Variants in TRABD2B observed in about 807,000 individuals in gnomAD.
The protein encoded by TRABD2B is TraB domain containing 2B, also known as metalloprotease TIKI2.
In TRABD2B, 14 loss-of-function variants were observed where a neutral mutation model predicts 40.1. That is an observed-to-expected ratio of 0.35 (90% confidence interval 0.23 to 0.55). The LOEUF is 0.55. Ranked by LOEUF, TRABD2B falls within the 20% of genes least tolerant of loss-of-function variation. The pLI, the probability that TRABD2B is intolerant of heterozygous loss-of-function variation, is 0.90. For missense variants in TRABD2B, 541 were observed against 648.6 expected (o/e 0.83, Z 1.80); for synonymous variants, 263 against 277.0 (o/e 0.95, Z 0.50).
intron 2 of TRABD2B, among the ~76,000 whole-genome samples, chr1:47,826,442 A>G (rs1267245990): frequency 6.6e-6 from 1 of 152,088 alleles, no homozygotes; most frequent in African/African-American, 2.4e-5. Context: ...TAAAATATAT[A>G]TTTATTTCAA....
intron 2 of TRABD2B, among the ~76,000 whole-genome samples, chr1:47,977,070 T>C (rs1361243618): frequency 7.3e-6 from 1 of 137,736 alleles, no homozygotes; most frequent in Non-Finnish European, 1.5e-5. Context: ...GTTTAGTCCT[T>C]TTTTTTTTTT....
At chr1:47,878,553 T>C (rs1424593078) in intron 2 of TRABD2B, among the ~76,000 whole-genome samples, 1 of 152,168 alleles carries the variant, frequency 6.6e-6, no homozygotes, top group Non-Finnish European at 1.5e-5. Context: ...ATTCTCTCCT[T>C]AATGATGTCA....
rs74069671 is a variant in TRABD2B at position 47,771,183 on chromosome 1, G to A, written c.1349+3987C>T. Among the ~76,000 whole-genome samples the A allele has an allele frequency of 1.5e-3, 231 of 152,310 alleles. 1 individual carries two copies. The highest frequency in any genetic ancestry group is 5.4e-3 in the African/African-American group (226 of 41,570). On this transcript the variant is annotated intron_variant, in intron 6 of 6. Coordinates refer to ENST00000606738, the MANE Select transcript of TRABD2B (RefSeq NM_001194986.2). ...GAAGGAGGACTGGCTGTGCTATGGG[G>A]AACTGGAGCTGGAGAATCTGGGGGC... is the stretch of plus-strand genomic sequence containing the variant.
Position 47,997,003 on chromosome 1 carries a change from G to A in TRABD2B, c.-214C>T, listed in dbSNP as rs1338688296. The stretch of plus-strand genomic sequence containing the variant: ...TGTTGGAAGAGGGAGACCCTCTAGG[G>A]CTGGGCCCCTCCCCCGGGCGCTCAA... On this transcript the variant is annotated 5_prime_UTR_variant, in exon 1 of 7. Transcript: ENST00000606738. 1.8e-6 allele frequency: 2 copies of A among 1,084,156 alleles called. No homozygotes were observed. The highest frequency in any genetic ancestry group is 1.1e-6 in the Non-Finnish European group (1 of 894,886). The allele number at this position is 1,084,156 out of a possible 1,614,324, so 67.2% of individuals were successfully genotyped here.
At chr1:47,786,353 G>T (rs574688338) in intron 4 of TRABD2B, among the ~76,000 whole-genome samples, 1 of 152,310 alleles carries the variant, frequency 6.6e-6, no homozygotes, top group East Asian at 1.9e-4. Context: ...TTCACTGATG[G>T]AGCAGCCCTG....
At chr1:47,956,410 C>T (rs908613314) in intron 2 of TRABD2B, among the ~76,000 whole-genome samples, 1 of 152,218 alleles carries the variant, frequency 6.6e-6, no homozygotes, top group Non-Finnish European at 1.5e-5. Flanking sequence ...GGCGGGGCAT[C>T]GCCTCACCTG....
intron 4 of TRABD2B, among the ~76,000 whole-genome samples, chr1:47,781,401 GGACTGAGTAGAGGA>G (rs902793375): frequency 3.3e-5 from 5 of 152,170 alleles, no homozygotes; most frequent in Admixed American, 3.3e-4. Flanking sequence ...AGCGTTTCTG[GGACTGAGTAGAGGA>G]GACACTTAGA....
At chr1:47,899,160 T>C (rs1170923879) in intron 2 of TRABD2B, among the ~76,000 whole-genome samples, 1 of 152,228 alleles carries the variant, frequency 6.6e-6, no homozygotes. Context: ...TCTGTTTCCA[T>C]CTGACTTCCA....
intron 2 of TRABD2B, among the ~76,000 whole-genome samples, chr1:47,990,134 G>A (rs1271243172): frequency 6.6e-6 from 1 of 152,218 alleles, no homozygotes; most frequent in East Asian, 1.9e-4. Context: ...ACCTTTGGCA[G>A]GCACGGTTCT....
At chr1:47,829,571 G>C (rs1214482016) in intron 2 of TRABD2B, among the ~76,000 whole-genome samples, 1 of 152,022 alleles carries the variant, frequency 6.6e-6, no homozygotes, top group Non-Finnish European at 1.5e-5. Flanking sequence ...AGATCCCCAA[G>C]CCTACCTCCC....
chr1:47,896,660 G>A (rs1028977256), intron 2 of TRABD2B, among the ~76,000 whole-genome samples: 4 of 152,158 alleles, frequency 2.6e-5, no homozygotes, highest in South Asian at 4.1e-4. Context: ...ATCTGCCCAC[G>A]AGCTGAGCTC....
At chr1:47,917,361 G>T (rs1027204286) in intron 2 of TRABD2B, among the ~76,000 whole-genome samples, 1 of 152,196 alleles carries the variant, frequency 6.6e-6, no homozygotes, top group African/African-American at 2.4e-5. Flanking sequence ...GCGTCAGGCA[G>T]CAGGCTGAGA....
intron 2 of TRABD2B, among the ~76,000 whole-genome samples, chr1:47,894,298 G>T (rs1459501318): frequency 1.3e-5 from 2 of 152,172 alleles, no homozygotes; most frequent in African/African-American, 4.8e-5. Context: ...CCGTATCTCT[G>T]TAATGGAGAT....
intron 2 of TRABD2B, among the ~76,000 whole-genome samples, chr1:47,939,967 C>T (rs1214064477): frequency 6.6e-6 from 1 of 152,190 alleles, no homozygotes. Flanking sequence ...TTGCAGAGCT[C>T]CCAATGCCCC....
chr1:47,873,746 C>T (rs1462017715), intron 2 of TRABD2B, among the ~76,000 whole-genome samples: 2 of 152,186 alleles, frequency 1.3e-5, no homozygotes, highest in Non-Finnish European at 2.9e-5. Flanking sequence ...TATTGTGTGC[C>T]AGGCCCTGGG....
At chr1:47,834,352 G>A (rs1448757799) in intron 2 of TRABD2B, among the ~76,000 whole-genome samples, 1 of 152,166 alleles carries the variant, frequency 6.6e-6, no homozygotes, top group Non-Finnish European at 1.5e-5. Flanking sequence ...ATGTCCACAT[G>A]GGCTCTGAGA....
chr1:47,971,332 T>C (rs995024423), intron 2 of TRABD2B, among the ~76,000 whole-genome samples: 2 of 152,256 alleles, frequency 1.3e-5, no homozygotes, highest in African/African-American at 4.8e-5. Context: ...ACCTTCTGAA[T>C]GTCAGCTCTC....
At chr1:47,866,182 A>G (rs571972846) in intron 2 of TRABD2B, among the ~76,000 whole-genome samples, 3 of 151,774 alleles carry the variant, frequency 2.0e-5, no homozygotes, top group Non-Finnish European at 4.4e-5. Context: ...GCCTCGGCAT[A>G]TAAAACATCA....
rs371621965 is a variant in TRABD2B at position 47,794,734 on chromosome 1, G to A, written c.840C>T (p.Leu280=). The part of the protein sequence containing the change: ...SQLPNFINTT[L]PPHEQVTAQE... The stretch of plus-strand genomic sequence containing the variant: ...GGGCCGTCACCTGCTCGTGTGGCGG[G>A]AGGGTGGTGTTGATAAAGTTGGGCA... The change falls in exon 4 of 7, where the codon CTC becomes CTT. Residue 280 remains leucine (L), a synonymous_variant. Transcript: ENST00000606738. 31 of 1,535,264 alleles carry A rather than the reference G, an allele frequency of 2.0e-5. No homozygotes were observed. In the African/African-American group the frequency reaches 3.6e-4, roughly 18 times the overall value.
Sources: gnomAD v4.1 joint callset for allele counts (sites outside exome capture counted in the v4.1 genomes callset) on GRCh38, gnomAD v4.1.1 for gene constraint, MANE v1.5 for transcripts, NCBI Gene and HGNC (gene_info 2026-07-23, HGNC 2026-07-21) for gene names.